ZFYVE28: variants seen among roughly 807,000 people sequenced by gnomAD.
ZFYVE28 encodes the protein lateral signaling target protein 2 homolog.
In ZFYVE28, 40 loss-of-function variants were observed where a neutral mutation model predicts 82.1. The observed-to-expected ratio is 0.49, with a 90% CI of 0.38 to 0.63. The LOEUF is 0.63. Among genes scored for constraint, ZFYVE28 ranks in the 30% least tolerant of loss-of-function variants. The pLI, the probability that ZFYVE28 is intolerant of heterozygous loss-of-function variation, is 0.00. For synonymous variants in ZFYVE28, 612 were observed against 546.1 expected (o/e 1.12, Z -1.68); for missense variants, 1,321 against 1,242.1 (o/e 1.06, Z -0.96).
chr4:2,273,148 G>C (rs542626283), intron 10 of ZFYVE28, 25 bp downstream of exon 10: 5 of 1,592,952 alleles, frequency 3.1e-6, no homozygotes, highest in African/African-American at 2.7e-5. Context: ...GCAGGCCTCA[G>C]AGCCCGTCCT....
At chr4:2,331,117 T>A (rs1399966749) in intron 6 of ZFYVE28, 1 of 114,658 alleles carries the variant, frequency 8.7e-6, no homozygotes. Flanking sequence ...GAGGGAGGGG[T>A]AGATTCTGGG....
In ZFYVE28 at chr4:2,270,723, C is replaced by T. The variant is rs139464255; in HGVS notation, c.*2G>A. 96 of 1,612,954 alleles carry T rather than the reference C, an allele frequency of 6.0e-5. No homozygotes were observed. Among genetic ancestry groups the T allele is most frequent in the African/African-American group, 2.5e-4 (19 of 74,932 alleles). On this transcript the variant is annotated 3_prime_UTR_variant, in exon 13 of 13. Transcript: ENST00000290974. ...TGGGTTGGGGCTGCCCCTGGCACCA[C>T]GTCACAGGCCGGCCTTGTCGCTGTA... is the stretch of plus-strand genomic sequence containing the variant.
chr4:2,284,346 C>G (rs1243382002), intron 8 of ZFYVE28, among the ~76,000 whole-genome samples: 1 of 152,204 alleles, frequency 6.6e-6, no homozygotes, highest in Non-Finnish European at 1.5e-5. Context: ...CTCAGCCTCC[C>G]AAAGTACTGA....
intron 6 of ZFYVE28, among the ~76,000 whole-genome samples, chr4:2,328,324 C>T (rs1158150635): frequency 6.6e-6 from 1 of 152,192 alleles, no homozygotes; most frequent in Non-Finnish European, 1.5e-5. Flanking sequence ...ACCATATGTT[C>T]TCACTTACTT....
At chr4:2,317,619 C>T (rs608678) in intron 7 of ZFYVE28, among the ~76,000 whole-genome samples, 28,896 of 151,966 alleles carry the variant, frequency 0.19, 2,927 homozygotes, top group South Asian at 0.28. Flanking sequence ...AGTGTGCTCA[C>T]GGCATGCTTT....
chr4:2,364,533 G>C (rs1001611776), intron 1 of ZFYVE28: 4 of 985,404 alleles, frequency 4.1e-6, no homozygotes, highest in African/African-American at 1.7e-5. Flanking sequence ...CAGCCCAGAC[G>C]CAACAGGAGC....
chr4:2,406,889 C>T (rs949067297), intron 1 of ZFYVE28, among the ~76,000 whole-genome samples: 1 of 145,936 alleles, frequency 6.9e-6, no homozygotes, highest in African/African-American at 2.5e-5. Flanking sequence ...TAGGAGTTAT[C>T]CCTTCTTCTG....
At chr4:2,352,330 G>C (rs966783216) in intron 2 of ZFYVE28, among the ~76,000 whole-genome samples, 4 of 152,076 alleles carry the variant, frequency 2.6e-5, no homozygotes, top group Non-Finnish European at 4.4e-5. Flanking sequence ...CGCCATGTCG[G>C]GGGGTGGACA....
In ZFYVE28 at chr4:2,335,649, C is replaced by G; in HGVS notation, c.701+56G>C. 6.0e-6 allele frequency: 9 copies of G among 1,509,910 alleles called. No individual in the cohort carries two copies. The East Asian group carries it at 2.2e-4, about 37-fold the overall frequency. The allele number at this position is 1,509,910 out of a possible 1,614,324, so 93.5% of individuals were successfully genotyped here. A position where few individuals can be genotyped will look rare whatever the true frequency, so the allele number is the denominator to read the frequency against. ...GCACCCGCACGGGACCTGGCACCAT[C>G]AGCCCTGCCCGTCCCGCAGGTTTCT... On this transcript the variant is annotated intron_variant, in intron 6 of 12. Coordinates refer to ENST00000290974, the MANE Select transcript of ZFYVE28 (RefSeq NM_020972.3). This position sits in a 1 kb window ranked among gnomAD's most constrained non-coding sequence, Gnocchi z 5.8.
chr4:2,303,238 G>A (rs542722941), intron 8 of ZFYVE28, among the ~76,000 whole-genome samples: 3 of 152,236 alleles, frequency 2.0e-5, no homozygotes, highest in South Asian at 2.1e-4. Flanking sequence ...CTCCTCCAGC[G>A]AGCTCACGAC....
rs1404269252 is a variant in ZFYVE28, at chr4:2,418,429, C to T, written c.-106G>A. 4 of 941,644 alleles carry T rather than the reference C, an allele frequency of 4.2e-6. No individual in the cohort carries two copies. The highest frequency in any genetic ancestry group is 7.1e-5 in the East Asian group (1 of 14,126). The allele number at this position is 941,644 out of a possible 1,614,324, so 58.3% of individuals were successfully genotyped here. ...GGACGCGGAGGCACGGCCGGAGCCC[C>T]CGCGCTGTCGCAGGGAGGCTGGCTA... On this transcript the variant is annotated 5_prime_UTR_variant, in exon 1 of 13. Transcript: ENST00000290974. The surrounding 1 kb of genome is among the most constrained non-coding windows in gnomAD (Gnocchi z 4.6).
At chr4:2,314,488 C>T (rs1193624310) in intron 7 of ZFYVE28, among the ~76,000 whole-genome samples, 1 of 152,070 alleles carries the variant, frequency 6.6e-6, no homozygotes, top group African/African-American at 2.4e-5. Context: ...TCTGCTCTTA[C>T]CTTATTTTGG....
chr4:2,281,483 C>T (rs1429791972), intron 8 of ZFYVE28, among the ~76,000 whole-genome samples: 1 of 152,206 alleles, frequency 6.6e-6, no homozygotes, highest in Non-Finnish European at 1.5e-5. Flanking sequence ...CTTGCTATGT[C>T]ACCACATGGA....
At position 2,339,227 on chromosome 4, in the gene ZFYVE28, TC is replaced by T. The variant is rs1722354412; in HGVS notation, c.521+225del. Among the ~76,000 whole-genome samples, 1 of 152,028 alleles carries T rather than the reference TC, an allele frequency of 6.6e-6. No individual in the cohort carries two copies. Among genetic ancestry groups the T allele is most frequent in the Non-Finnish European group, 1.5e-5 (1 of 68,014 alleles). On this transcript the variant is annotated intron_variant, in intron 4 of 12. Coordinates refer to ENST00000290974, the MANE Select transcript of ZFYVE28 (RefSeq NM_020972.3). The surrounding 1 kb of genome is among the most constrained non-coding windows in gnomAD (Gnocchi z 5.0). ...CCCCTGGAGGCCCACGGCGGCCAGA[TC>T]CACACCTGTGTCCTCTGTGCTCACC... is the stretch of plus-strand genomic sequence containing the variant.
intron 1 of ZFYVE28, among the ~76,000 whole-genome samples, chr4:2,378,138 G>A (rs934445569): frequency 2.6e-5 from 4 of 152,196 alleles, no homozygotes; most frequent in Non-Finnish European, 4.4e-5. Flanking sequence ...TCAGGAGTTC[G>A]AGACCAGCCT....
At chr4:2,271,061 T>C in intron 12 of ZFYVE28, 1 of 787,802 alleles carries the variant, frequency 1.3e-6, no homozygotes, top group Non-Finnish European at 2.0e-6. Flanking sequence ...TGCAGGCTCC[T>C]GTTCACACTC....
chr4:2,376,212 T>C (rs1728115476), intron 1 of ZFYVE28, among the ~76,000 whole-genome samples: 1 of 42,630 alleles, frequency 2.3e-5, no homozygotes, highest in Non-Finnish European at 4.7e-5. Context: ...ACCTGTTTCT[T>C]TTACTTTTTT....
At chr4:2,315,691 C>T (rs1444129951) in intron 7 of ZFYVE28, among the ~76,000 whole-genome samples, 1 of 152,166 alleles carries the variant, frequency 6.6e-6, no homozygotes, top group African/African-American at 2.4e-5. Context: ...TGTCCTTTTT[C>T]TCTTGCTGCT....
At chr4:2,298,015 G>A (rs556245300) in intron 8 of ZFYVE28, among the ~76,000 whole-genome samples, 25 of 148,378 alleles carry the variant, frequency 1.7e-4, no homozygotes, top group African/African-American at 5.5e-4. Flanking sequence ...AGCAGAGGAC[G>A]AGCAGTGACA....
Sources: allele counts gnomAD v4.1 joint callset (sites outside exome capture counted in the v4.1 genomes callset), GRCh38; gene constraint gnomAD v4.1.1; non-coding constraint Gnocchi (gnomAD v3.1); transcripts MANE v1.5; gene names NCBI Gene and HGNC (gene_info 2026-07-23, HGNC 2026-07-21).